The following DCC variants were observed in gnomAD, a reference collection of about 807,000 sequenced individuals.
The protein encoded by DCC is netrin receptor DCC.
DCC carries 58 observed loss-of-function variants against 172.5 expected under a neutral mutation model. The ratio of observed to expected loss-of-function variants is 0.34; its 90% CI spans 0.27 to 0.42. DCC has a LOEUF of 0.42. Ranked by LOEUF, DCC falls within the 10% of genes least tolerant of loss-of-function variation. DCC has a pLI of 1.00. For missense variants in DCC, 1,740 were observed against 1,791.0 expected (o/e 0.97, Z 0.51); for synonymous variants, 709 against 644.5 (o/e 1.10, Z -1.52).
chr18:53,505,874 A>C (rs1322627217), intron 27 of DCC, among the ~76,000 whole-genome samples: 2 of 152,178 alleles, frequency 1.3e-5, no homozygotes, highest in African/African-American at 4.8e-5. Flanking sequence ...TTTCTTATAC[A>C]CTTGATGGGT....
chr18:52,531,311 T>C (rs1421144129), intron 1 of DCC, among the ~76,000 whole-genome samples: 1 of 152,152 alleles, frequency 6.6e-6, no homozygotes. Context: ...TTTGCTTGGC[T>C]CCAGTAAGAA....
chr18:53,101,803 CTG>C (rs140007932), intron 7 of DCC, among the ~76,000 whole-genome samples: 403 of 140,852 alleles, frequency 2.9e-3, no homozygotes, highest in African/African-American at 5.9e-3. Context: ...TACCACTGGG[CTG>C]TGTGTGTGTG....
intron 12 of DCC, among the ~76,000 whole-genome samples, chr18:53,286,671 C>A (rs1402491630): frequency 3.3e-5 from 5 of 152,206 alleles, no homozygotes; most frequent in Non-Finnish European, 7.3e-5. Context: ...TCTTCGCCTT[C>A]TTCTGGAGGT....
intron 1 of DCC, among the ~76,000 whole-genome samples, chr18:52,656,425 G>A (rs1444805929): frequency 6.6e-6 from 1 of 152,026 alleles, no homozygotes; most frequent in African/African-American, 2.4e-5. Context: ...GGACTTCCCA[G>A]CTTCCAAACT....
chr18:52,810,997 C>T (rs941455036), intron 2 of DCC, among the ~76,000 whole-genome samples: 21 of 152,128 alleles, frequency 1.4e-4, no homozygotes, highest in African/African-American at 5.1e-4. Context: ...GACAAAACAG[C>T]AGCAGTGGCA....
intron 13 of DCC, 94 bp from the exon 14 acceptor site, chr18:53,321,953 T>C: frequency 1.3e-6 from 1 of 781,398 alleles, no homozygotes. Flanking sequence ...GCATGTCCAC[T>C]ATTGTTACAA....
chr18:53,061,989 G>A (rs546662766), intron 5 of DCC, among the ~76,000 whole-genome samples: 5 of 151,990 alleles, frequency 3.3e-5, no homozygotes, highest in Non-Finnish European at 5.9e-5. Flanking sequence ...TCTGCTCAGA[G>A]GTATTCAAGT....
At chr18:52,899,343 CTTTTTTTTTTTTT>C (rs57712241) in intron 2 of DCC, among the ~76,000 whole-genome samples, 5 of 55,162 alleles carry the variant, frequency 9.1e-5, no homozygotes, top group Non-Finnish European at 1.3e-4. Flanking sequence ...TCTTTCTTTC[CTTTTTTTTTTTTT>C]TTTTTTTTTT....
At chr18:52,855,246 C>T (rs996714552) in intron 2 of DCC, among the ~76,000 whole-genome samples, 1 of 152,152 alleles carries the variant, frequency 6.6e-6, no homozygotes, top group Non-Finnish European at 1.5e-5. Context: ...GTTTTCATTT[C>T]TACTTAGAGC....
intron 14 of DCC, among the ~76,000 whole-genome samples, chr18:53,329,288 G>T (rs2057504823): frequency 6.9e-6 from 1 of 145,494 alleles, no homozygotes; most frequent in African/African-American, 2.7e-5. Flanking sequence ...AGAGGTTTTG[G>T]CAAGAAAAAC....
intron 1 of DCC, among the ~76,000 whole-genome samples, chr18:52,722,748 G>T (rs1175672155): frequency 2.0e-5 from 3 of 152,138 alleles, no homozygotes; most frequent in Non-Finnish European, 4.4e-5. Flanking sequence ...ACTGAGCAGT[G>T]CAGTCACTAA....
At chr18:52,838,321 A>G (rs538955108) in intron 2 of DCC, among the ~76,000 whole-genome samples, 1 of 152,256 alleles carries the variant, frequency 6.6e-6, no homozygotes, top group South Asian at 2.1e-4. Flanking sequence ...ATATGGCTCT[A>G]TTTTCTTGTC....
intron 1 of DCC, among the ~76,000 whole-genome samples, chr18:52,715,593 C>T (rs1269978536): frequency 6.6e-6 from 1 of 152,168 alleles, no homozygotes; most frequent in Non-Finnish European, 1.5e-5. Context: ...GAATGTGCCA[C>T]CACGCCCGGC....
intron 5 of DCC, among the ~76,000 whole-genome samples, chr18:53,031,280 C>A (rs920044430): frequency 7.9e-5 from 12 of 152,176 alleles, no homozygotes; most frequent in African/African-American, 2.6e-4. Context: ...ATAAAATATT[C>A]TTTTCTGTCT....
intron 25 of DCC, chr18:53,481,188 A>C (rs2045828164): frequency 1.3e-5 from 2 of 152,224 alleles, no homozygotes; most frequent in South Asian, 4.1e-4. Flanking sequence ...ACTGCTCACC[A>C]GACCAATCCT....
intron 1 of DCC, among the ~76,000 whole-genome samples, chr18:52,683,786 T>C (rs931506428): frequency 2.6e-5 from 4 of 152,060 alleles, no homozygotes; most frequent in Admixed American, 2.0e-4. Flanking sequence ...CATCTCCCTA[T>C]GCTCAGTCAA....
intron 27 of DCC, among the ~76,000 whole-genome samples, chr18:53,501,786 CA>C (rs2046102591): frequency 6.6e-6 from 1 of 152,182 alleles, no homozygotes. Flanking sequence ...ATTTGGAAGT[CA>C]ACCTATGCTC....
At chr18:53,186,360 C>G (rs1056369530) in intron 9 of DCC, among the ~76,000 whole-genome samples, 2 of 152,116 alleles carry the variant, frequency 1.3e-5, no homozygotes, top group African/African-American at 4.8e-5. Flanking sequence ...GTTATATGCC[C>G]TACTAAACGT....
At position 52,413,043 on chromosome 18, in the gene DCC, C is replaced by T. The variant is rs80042066; in HGVS notation, c.91+72165C>T. On this transcript the variant is annotated intron_variant, in intron 1 of 28. Coordinates refer to ENST00000442544, the MANE Select transcript of DCC (RefSeq NM_005215.4). ...GTTGACTTTAGATTGCATTATTTGA[C>T]ATTTATTATCTCCATTGTCTTCAGT... Among the ~76,000 whole-genome samples the T allele has an allele frequency of 7.9e-5, 12 of 151,958 alleles. No individual in the cohort carries two copies. The East Asian group carries it at 2.3e-3, about 29-fold the overall frequency.
Sources: allele counts gnomAD v4.1 joint callset (sites outside exome capture counted in the v4.1 genomes callset), GRCh38; gene constraint gnomAD v4.1.1; transcripts MANE v1.5; gene names NCBI Gene and HGNC (gene_info 2026-07-23, HGNC 2026-07-21).